PIWIL2: variants seen among roughly 807,000 people sequenced by gnomAD.
The protein encoded by PIWIL2 is piwi like RNA-mediated gene silencing 2.
PIWIL2 carries 81 observed loss-of-function variants against 116.5 expected under a neutral mutation model. The observed-to-expected ratio is 0.70, with a 90% CI of 0.58 to 0.84. The LOEUF (loss-of-function observed/expected upper bound fraction) is 0.84, where lower values mean the gene tolerates loss of function less well. Among genes scored for constraint, PIWIL2 ranks in the 40% least tolerant of loss-of-function variants. PIWIL2 has a pLI of 0.00. For missense variants in PIWIL2, 1,272 were observed against 1,212.3 expected, an observed-to-expected ratio of 1.05 and a Z score of -0.73; for synonymous variants, 489 against 429.5, an observed-to-expected ratio of 1.14 and a Z score of -1.71.
In PIWIL2 at chr8:22,314,338, A is replaced by G. The variant is rs745529250; in HGVS notation, c.2000A>G (p.Gln667Arg). 2 of 1,553,878 alleles carry G rather than the reference A, an allele frequency of 1.3e-6. No homozygotes were observed. Among genetic ancestry groups the G allele is most frequent in the South Asian group, 1.2e-5 (1 of 81,686 alleles). ...QSTLGAEGKIQMVVCIIMGPR... is the reference protein window; with the variant it reads ...QSTLGAEGKIRMVVCIIMGPR... ...CCTTATCTCCTCAAGGGGAAGATAC[A>G]GATGGTTGTTTGCATCATCATGGGC... Residue 667 changes from glutamine (Q) to arginine (R), a missense_variant, in exon 17 of 23, where the codon CAG becomes CGG. Physicochemically the swap from Gln to Arg is conservative, Grantham distance 43 (BLOSUM62 1). Transcript: ENST00000356766.
At chr8:22,353,964 C>T (rs528904180) in intron 21 of PIWIL2, among the ~76,000 whole-genome samples, 155 of 151,938 alleles carry the variant, frequency 1.0e-3, no homozygotes, top group African/African-American at 3.5e-3. Context: ...TTTGTAGAGA[C>T]AGGGTCTTGC....
chr8:22,318,358 C>T (rs1831516462), intron 20 of PIWIL2, 83 bp downstream of exon 20: 3 of 772,524 alleles, frequency 3.9e-6, no homozygotes, highest in Non-Finnish European at 4.3e-6. Context: ...ACTCTTGTCG[C>T]CCAGGTTGGA....
At chr8:22,279,984 A>C (rs1264820468) in intron 2 of PIWIL2, among the ~76,000 whole-genome samples, 1 of 152,148 alleles carries the variant, frequency 6.6e-6, no homozygotes, top group Non-Finnish European at 1.5e-5. Flanking sequence ...TGCTTGCAAA[A>C]CTGGGAAGCC....
chr8:22,276,730 G>A (rs916529908), intron 1 of PIWIL2, among the ~76,000 whole-genome samples: 12 of 152,032 alleles, frequency 7.9e-5, no homozygotes, highest in Non-Finnish European at 1.6e-4. Context: ...GCAAGATCCC[G>A]TCTCTACAAA....
chr8:22,350,566 C>A (rs1236208141), intron 20 of PIWIL2, among the ~76,000 whole-genome samples: 2 of 152,134 alleles, frequency 1.3e-5, no homozygotes, highest in African/African-American at 4.8e-5. Flanking sequence ...CACTGTACTG[C>A]AGCCTCGGCA....
intron 10 of PIWIL2, among the ~76,000 whole-genome samples, chr8:22,294,246 G>A (rs532100956): frequency 2.7e-5 from 4 of 149,902 alleles, no homozygotes; most frequent in African/African-American, 4.9e-5. Context: ...GCGGAGGCAC[G>A]AGAATCGCTT....
chr8:22,352,208 A>G (rs1368472187), intron 20 of PIWIL2, among the ~76,000 whole-genome samples: 5 of 151,738 alleles, frequency 3.3e-5, no homozygotes, highest in Non-Finnish European at 4.4e-5. Context: ...GCCTCCCAAC[A>G]TGCTGGGATG....
chr8:22,338,959 G>A (rs1286177724), intron 20 of PIWIL2, among the ~76,000 whole-genome samples: 2 of 152,204 alleles, frequency 1.3e-5, no homozygotes, highest in Non-Finnish European at 2.9e-5. Context: ...AAACAAGACA[G>A]TGTGGTCAGT....
chr8:22,290,096 CAATT>C, intron 9 of PIWIL2, 133 bp from the exon 10 acceptor site: 1 of 703,634 alleles, frequency 1.4e-6, no homozygotes, highest in Non-Finnish European at 2.4e-6. Context: ...GCAATAATGT[CAATT>C]AACTTAGTTT....
intron 10 of PIWIL2, among the ~76,000 whole-genome samples, chr8:22,301,897 C>T (rs1245985200): frequency 1.3e-5 from 2 of 151,976 alleles, no homozygotes; most frequent in Non-Finnish European, 1.5e-5. Context: ...TACCTTGACA[C>T]CTTTGTCAGT....
rs1832510659 is a variant in PIWIL2, at chr8:22,357,427, T to C, written c.*1922T>C. On this transcript the variant is annotated 3_prime_UTR_variant, in exon 23 of 23. Transcript: ENST00000356766. ...GGATTTCCTAATACTTTTTTTCTCTTAGATAATCAGAACAAATGGTTGAAT... is the reference window on the plus strand; with the variant it reads ...GGATTTCCTAATACTTTTTTTCTCTCAGATAATCAGAACAAATGGTTGAAT... 1 of 152,232 alleles carries C rather than the reference T, an allele frequency of 6.6e-6. No individual in the cohort carries two copies. Among genetic ancestry groups the C allele is most frequent in the Non-Finnish European group, 1.5e-5 (1 of 68,046 alleles). The allele number at this position is 152,232 out of a possible 1,614,324, so 9.4% of individuals were successfully genotyped here.
rs752934640 is a variant in PIWIL2 at position 22,307,947 on chromosome 8, A to G, written c.1560A>G (p.Gln520=). The G allele has an allele frequency of 5.6e-6, 9 of 1,609,054 alleles. No individual in the cohort carries two copies. The Admixed American group carries it at 1.3e-4, about 24-fold the overall frequency. Residue 520 remains glutamine (Q), a synonymous_variant, in exon 14 of 23, where the codon CAA becomes CAG. Coordinates refer to ENST00000356766, the MANE Select transcript of PIWIL2 (RefSeq NM_018068.5). ...ATTCTGTTTAGGATTTGGCTCAGCAAATCAATCTGAGCCCCAAGCAACACC... is the reference window on the plus strand; with the variant it reads ...ATTCTGTTTAGGATTTGGCTCAGCAGATCAATCTGAGCCCCAAGCAACACC... ...DFRAMKDLAQ[Q]INLSPKQHHS... is the part of the protein sequence containing the mutation.
At chr8:22,307,472 C>CTT (rs1452022354) in intron 13 of PIWIL2, among the ~76,000 whole-genome samples, 2 of 73,016 alleles carry the variant, frequency 2.7e-5, no homozygotes, top group Non-Finnish European at 5.3e-5. Flanking sequence ...TTTTATTATT[C>CTT]ATTTTTTTTT....
intron 22 of PIWIL2, among the ~76,000 whole-genome samples, chr8:22,354,631 T>A (rs1264069409): frequency 6.6e-6 from 1 of 152,230 alleles, no homozygotes; most frequent in Non-Finnish European, 1.5e-5. Flanking sequence ...ATTTTTTAAA[T>A]CTGTTCCAGG....
chr8:22,284,266 CT>C lies in PIWIL2; in HGVS notation c.740del (p.Phe247SerfsTer10). 6.5e-7 allele frequency: 1 copy of C among 1,538,304 alleles called. No homozygotes were observed. Among genetic ancestry groups the C allele is most frequent in the Non-Finnish European group, 8.9e-7 (1 of 1,120,660 alleles). Reference protein sequence around the residue: ...HNEAVYQYHVTFSPNVECKSM... With the variant: ...HNEAVYQYHVXFSPNVECKSM... Reference sequence around the variant, plus strand: ...GAAGCAGTTTATCAATATCATGTGACTTTCAGGTATTCACAGCTTTCCTTTG... The same window carrying C: ...GAAGCAGTTTATCAATATCATGTGACTTCAGGTATTCACAGCTTTCCTTTG... On this transcript the variant is annotated frameshift_variant, in exon 6 of 23. Coordinates refer to ENST00000356766, the MANE Select transcript of PIWIL2 (RefSeq NM_018068.5). LOFTEE classifies it high-confidence loss of function.
intron 20 of PIWIL2, among the ~76,000 whole-genome samples, chr8:22,319,938 CATGTG>C (rs1831555812): frequency 6.6e-6 from 1 of 152,196 alleles, no homozygotes; most frequent in Non-Finnish European, 1.5e-5. Flanking sequence ...TCTGAAAGAA[CATGTG>C]GCACCAGAGA....
At chr8:22,352,803 G>T (rs554471251) in intron 20 of PIWIL2, 156 bp from the exon 21 acceptor site, 15 of 661,814 alleles carry the variant, frequency 2.3e-5, no homozygotes, top group African/African-American at 1.4e-4. Context: ...ATGATTAGAA[G>T]CTTTTTTTCC....
intron 7 of PIWIL2, 141 bp downstream of exon 7, chr8:22,287,786 C>A: frequency 1.6e-6 from 1 of 642,762 alleles, no homozygotes; most frequent in Non-Finnish European, 2.8e-6. Context: ...GGACTACAGG[C>A]GTGTGAGCCA....
chr8:22,352,201 T>C (rs1832389241), intron 20 of PIWIL2, among the ~76,000 whole-genome samples: 1 of 152,270 alleles, frequency 6.6e-6, no homozygotes, highest in Non-Finnish European at 1.5e-5. Context: ...CGCCTTGGCC[T>C]CCCAACATGC....
Sources: allele counts gnomAD v4.1 joint callset (sites outside exome capture counted in the v4.1 genomes callset), GRCh38; gene constraint gnomAD v4.1.1; transcripts MANE v1.5; gene names NCBI Gene and HGNC (gene_info 2026-07-23, HGNC 2026-07-21).